The following EZR variants were observed in gnomAD, a reference collection of about 807,000 sequenced individuals.
EZR encodes the protein ezrin, also known as cytovillin 2.
EZR carries 40 observed loss-of-function variants against 74.8 expected under a neutral mutation model. The observed-to-expected ratio is 0.53, with a 90% CI of 0.42 to 0.70. The LOEUF (loss-of-function observed/expected upper bound fraction) is 0.70, where lower values mean the gene tolerates loss of function less well. Ranked by LOEUF, EZR falls within the 30% of genes least tolerant of loss-of-function variation. The pLI is 0.00. For missense variants in EZR, 678 were observed against 755.8 expected (o/e 0.90, Z 1.21); for synonymous variants, 341 against 283.3 (o/e 1.20, Z -2.05).
rs767132690 is a variant in EZR at position 158,769,393 on chromosome 6, G to A, written c.1277C>T (p.Ala426Val). 2 of 1,608,148 alleles carry A rather than the reference G, an allele frequency of 1.2e-6. No individual in the cohort carries two copies. The change falls in exon 12 of 14, where the codon GCC becomes GTC. Residue 426 changes from alanine (A) to valine (V), a missense_variant. Ala to Val is a moderately conservative substitution (Grantham distance 64). This residue lies in a region of EZR where 342 missense variants were observed against 341.2 expected (regional missense o/e 1.00). Coordinates refer to ENST00000367075, the MANE Select transcript of EZR (RefSeq NM_001111077.2). ...CGCCTCTTCCAGGAGGGCAATCTTG[G>A]CAGTGTATTCTGCAAGCTCCGCAGC... ...QLAAELAEYT[A>V]KIALLEEARR... is the part of the protein sequence containing the mutation.
intron 7 of EZR, among the ~76,000 whole-genome samples, chr6:158,780,130 C>A (rs1475161545): frequency 6.7e-6 from 1 of 148,576 alleles, no homozygotes; most frequent in African/African-American, 2.5e-5. Flanking sequence ...TTACAGTGAG[C>A]TGAGAATGTG....
chr6:158,771,402 A>G lies in EZR; in HGVS notation c.801T>C (p.Phe267=). ...TTCTCAGACGTGGGGCATAAAACAC[A>G]AAGTCCTACAAAACAGAACAGGGCC... The part of the protein sequence containing the change: ...IKPIDKKAPD[F]VFYAPRLRIN... The change falls in exon 9 of 14, where the codon TTT becomes TTC. Residue 267 remains phenylalanine, a synonymous_variant. Coordinates refer to ENST00000367075, the MANE Select transcript of EZR (RefSeq NM_001111077.2). 2 of 1,604,322 alleles carry G rather than the reference A, an allele frequency of 1.2e-6. No individual in the cohort carries two copies. Among genetic ancestry groups the G allele is most frequent in the Non-Finnish European group, 1.7e-6 (2 of 1,174,556 alleles).
intron 2 of EZR, among the ~76,000 whole-genome samples, chr6:158,806,641 T>C (rs1318224256): frequency 6.6e-6 from 1 of 152,124 alleles, no homozygotes; most frequent in African/African-American, 2.4e-5. Flanking sequence ...GTTCAGTAAA[T>C]ATTATTCAAT....
intron 12 of EZR, among the ~76,000 whole-genome samples, chr6:158,767,823 G>A (rs935985047): frequency 1.3e-5 from 2 of 152,086 alleles, no homozygotes; most frequent in African/African-American, 4.8e-5. Context: ...AACGGGCTCT[G>A]TTCCTAGCCT....
chr6:158,783,394 T>A (rs7769862), intron 7 of EZR, 126 bp downstream of exon 7: 248,718 of 438,402 alleles, frequency 0.57, 96,680 homozygotes, highest in African/African-American at 0.89. Flanking sequence ...CTTTAAAAAG[T>A]TTCCTACTTT....
chr6:158,814,812 A>T (rs1010058107), intron 2 of EZR, among the ~76,000 whole-genome samples: 6 of 152,116 alleles, frequency 3.9e-5, no homozygotes, highest in African/African-American at 1.4e-4. Flanking sequence ...AAGTGCTGGG[A>T]TTACTGCCAT....
At chr6:158,795,079 C>T (rs1777039888) in intron 2 of EZR, among the ~76,000 whole-genome samples, 1 of 151,750 alleles carries the variant, frequency 6.6e-6, no homozygotes, top group African/African-American at 2.4e-5. Flanking sequence ...TGGTAAAACC[C>T]CATCTCTACT....
chr6:158,809,908 C>G (rs1036171943), intron 2 of EZR, among the ~76,000 whole-genome samples: 1 of 152,146 alleles, frequency 6.6e-6, no homozygotes, highest in Non-Finnish European at 1.5e-5. Context: ...AGGCCACAGC[C>G]AGACTCGGCC....
chr6:158,779,213 A>G (rs576119229), intron 7 of EZR, among the ~76,000 whole-genome samples: 5 of 152,336 alleles, frequency 3.3e-5, no homozygotes, highest in African/African-American at 1.2e-4. Flanking sequence ...ACTCCAAATA[A>G]TGAGAAAACA....
Position 158,789,363 on chromosome 6 carries a change from G to C in EZR, c.21C>G (p.Val7=), listed in dbSNP as rs747620103. The part of the protein sequence containing the change: MPKPIN[V]RVTTMDAELE... Reference sequence around the variant, plus strand: ...GCTCTGCATCCATGGTGGTAACTCGGACATTGATCTGAAAAACAGAATGAA... The same window carrying C: ...GCTCTGCATCCATGGTGGTAACTCGCACATTGATCTGAAAAACAGAATGAA... Residue 7 remains valine (V), a synonymous_variant, in exon 3 of 14, where the codon GTC becomes GTG. Coordinates refer to ENST00000367075, the MANE Select transcript of EZR (RefSeq NM_001111077.2). The C allele has an allele frequency of 5.0e-6, 8 of 1,613,822 alleles. No individual in the cohort carries two copies. Among genetic ancestry groups the C allele is most frequent in the South Asian group, 2.2e-5 (2 of 91,084 alleles).
chr6:158,776,558 T>G, intron 7 of EZR, 54 bp from the exon 8 acceptor site: 2 of 1,287,502 alleles, frequency 1.6e-6, no homozygotes, highest in Non-Finnish European at 2.2e-6. Context: ...GTTCTTGGAT[T>G]GGCTAAGAGA....
At chr6:158,778,957 A>G (rs1022827667) in intron 7 of EZR, among the ~76,000 whole-genome samples, 1 of 152,230 alleles carries the variant, frequency 6.6e-6, no homozygotes, top group Non-Finnish European at 1.5e-5. Context: ...CTCAAATACC[A>G]CAGTAATCTC....
chr6:158,809,143 G>C (rs1442199620), intron 2 of EZR, among the ~76,000 whole-genome samples: 1 of 152,162 alleles, frequency 6.6e-6, no homozygotes, highest in Non-Finnish European at 1.5e-5. Context: ...TGCCAGAAAA[G>C]ACAAAAAGCA....
intron 3 of EZR, among the ~76,000 whole-genome samples, chr6:158,789,080 T>C (rs1389687117): frequency 6.6e-6 from 1 of 152,268 alleles, no homozygotes; most frequent in Non-Finnish European, 1.5e-5. Context: ...TGTGCTTTCA[T>C]ACACCTCACT....
At chr6:158,817,987 T>C in intron 2 of EZR, 95 bp downstream of exon 2, 1 of 1,274,714 alleles carries the variant, frequency 7.8e-7, no homozygotes, top group South Asian at 1.4e-5. Context: ...AGAAGAACCC[T>C]GTTCCCCAGG....
chr6:158,770,653 G>A (rs1791074284), intron 10 of EZR, 111 bp downstream of exon 10: 1 of 1,266,834 alleles, frequency 7.9e-7, no homozygotes, highest in African/African-American at 1.5e-5. Context: ...AGTCTGCGCT[G>A]TGGGACACGT....
intron 7 of EZR, among the ~76,000 whole-genome samples, chr6:158,782,293 C>T (rs1340546700): frequency 6.6e-6 from 1 of 152,162 alleles, no homozygotes. Flanking sequence ...TGGCAGGAAT[C>T]CGCGTGGTTG....
intron 2 of EZR, among the ~76,000 whole-genome samples, chr6:158,800,045 A>C (rs1474729620): frequency 6.6e-6 from 1 of 152,210 alleles, no homozygotes; most frequent in Non-Finnish European, 1.5e-5. Context: ...TATGGTTAGA[A>C]TGCCCAAGTT....
chr6:158,770,067 T>A (rs2128565157), intron 10 of EZR, 123 bp from the exon 11 acceptor site: 1 of 1,286,354 alleles, frequency 7.8e-7, no homozygotes, highest in Admixed American at 2.3e-5. Flanking sequence ...AGGGGATGTC[T>A]TCCAGTGACC....
Sources: gnomAD v4.1 joint callset for allele counts (sites outside exome capture counted in the v4.1 genomes callset) on GRCh38, gnomAD v4.1.1 for gene constraint, gnomAD v4.1.1 regional missense constraint, MANE v1.5 for transcripts, NCBI Gene and HGNC (gene_info 2026-07-23, HGNC 2026-07-21) for gene names.